The following PAX8 variants were observed in gnomAD, a reference collection of about 807,000 sequenced individuals.
The protein encoded by PAX8 is paired box protein Pax-8.
A neutral mutation model predicts 52.4 loss-of-function variants in PAX8; 15 were observed. The ratio of observed to expected loss-of-function variants is 0.29; its 90% CI spans 0.19 to 0.44. The LOEUF is 0.44. PAX8 is among the 20% of genes least tolerant of loss of function. The pLI, the probability that PAX8 is intolerant of heterozygous loss-of-function variation, is 1.00. For synonymous variants in PAX8, 284 were observed against 249.7 expected (o/e 1.14, Z -1.29); for missense variants, 554 against 602.5 (o/e 0.92, Z 0.84).
At chr2:113,276,466 TCCAGGGG>T (rs989198213) in intron 2 of PAX8, 1 of 152,096 alleles carries the variant, frequency 6.6e-6, no homozygotes, top group African/African-American at 2.4e-5. Context: ...ACCTGGTAGG[TCCAGGGG>T]CAGAGGGCTC....
In PAX8 at chr2:113,242,670, C is replaced by G. The variant is rs776740103; in HGVS notation, c.478+20G>C. On this transcript the variant is annotated intron_variant, in intron 5 of 11. Transcript: ENST00000429538. ...GGTGTACACGAGCATGTGTGTGTAT[C>G]CAGGTCTCTCAGCACTCACTCAGCG... is the stretch of plus-strand genomic sequence containing the variant. 3 of 1,558,250 alleles carry G rather than the reference C, an allele frequency of 1.9e-6. No individual in the cohort carries two copies. Among genetic ancestry groups the G allele is most frequent in the Non-Finnish European group, 1.8e-6 (2 of 1,129,344 alleles).
At chr2:113,224,625 G>A (rs1220095094) in intron 10 of PAX8, among the ~76,000 whole-genome samples, 5 of 151,258 alleles carry the variant, frequency 3.3e-5, no homozygotes, top group Non-Finnish European at 7.4e-5. Flanking sequence ...CGGGATGGAT[G>A]ATGAAAGATA....
At chr2:113,259,357 C>T (rs1159005279) in intron 2 of PAX8, 1 of 153,064 alleles carries the variant, frequency 6.5e-6, no homozygotes, top group Non-Finnish European at 1.5e-5. Context: ...AGAAGCCTCC[C>T]AGAAGCAACC....
chr2:113,245,796 C>T (rs1404653171), intron 3 of PAX8, among the ~76,000 whole-genome samples: 3 of 152,228 alleles, frequency 2.0e-5, no homozygotes, highest in Non-Finnish European at 4.4e-5. Context: ...CAACCCATCA[C>T]AGGAATCCCC....
At chr2:113,237,082 G>A in intron 7 of PAX8, 1 of 223,928 alleles carries the variant, frequency 4.5e-6, no homozygotes, top group Admixed American at 5.6e-5. Context: ...CAACCGGACT[G>A]TTCAGGGTCC....
intron 2 of PAX8, chr2:113,259,392 A>C (rs907786058): frequency 6.5e-6 from 1 of 152,964 alleles, no homozygotes; most frequent in Non-Finnish European, 1.5e-5. Flanking sequence ...CCATCCTCCC[A>C]CCGACCTCCC....
intron 10 of PAX8, among the ~76,000 whole-genome samples, chr2:113,224,829 T>C (rs999598920): frequency 7.2e-6 from 1 of 139,374 alleles, no homozygotes; most frequent in African/African-American, 2.8e-5. Context: ...AAAAATAAAA[T>C]AAAATAAAAT....
rs891816647 is a variant in PAX8 at position 113,241,576 on chromosome 2, G to A, written c.752C>T (p.Ser251Phe). ...CTGCTCGCCTTTGGTGTGGCTGGGGGAGGCATAGGCCTCTGGGTAGTGCTG... is the reference window on the plus strand; with the variant it reads ...CTGCTCGCCTTTGGTGTGGCTGGGGAAGGCATAGGCCTCTGGGTAGTGCTG... ...ERQHYPEAYA[S>F]PSHTKGEQGL... Residue 251 changes from serine (S) to phenylalanine (F), a missense_variant, in exon 7 of 12, where the codon TCC becomes TTC. Transcript: ENST00000429538. 6.2e-7 allele frequency: 1 copy of A among 1,610,900 alleles called. No individual in the cohort carries two copies. The highest frequency in any genetic ancestry group is 8.5e-7 in the Non-Finnish European group (1 of 1,179,280).
At chr2:113,260,576 G>T (rs775137185) in intron 2 of PAX8, among the ~76,000 whole-genome samples, 4 of 152,012 alleles carry the variant, frequency 2.6e-5, no homozygotes, top group Non-Finnish European at 1.5e-5. Flanking sequence ...AGGTAGGGAG[G>T]ATGGGGAGAA....
chr2:113,267,428 G>A (rs971827054), intron 2 of PAX8: 1 of 152,178 alleles, frequency 6.6e-6, no homozygotes, highest in Non-Finnish European at 1.5e-5. Context: ...GTCTCTACAG[G>A]GCTCCATGAC....
chr2:113,251,115 C>T (rs1379344527), intron 2 of PAX8, among the ~76,000 whole-genome samples: 1 of 152,116 alleles, frequency 6.6e-6, no homozygotes, highest in African/African-American at 2.4e-5. Flanking sequence ...GGAGATGGCC[C>T]CTATGGTTTG....
intron 1 of PAX8, 105 bp from the exon 2 acceptor site, chr2:113,278,574 G>T: frequency 1.9e-6 from 2 of 1,056,826 alleles, no homozygotes; most frequent in Non-Finnish European, 2.7e-6. Context: ...CGTCTGCCAG[G>T]AGTAGGAGGA....
At chr2:113,244,836 T>G (rs1281110127) in intron 3 of PAX8, among the ~76,000 whole-genome samples, 3 of 152,164 alleles carry the variant, frequency 2.0e-5, no homozygotes, top group African/African-American at 7.2e-5. Context: ...ACCAGCACCC[T>G]CTGCTAAAGG....
chr2:113,276,882 A>G (rs1169224719), intron 2 of PAX8, among the ~76,000 whole-genome samples: 1 of 152,188 alleles, frequency 6.6e-6, no homozygotes, highest in African/African-American at 2.4e-5. Flanking sequence ...GTGCCATTGC[A>G]CCAGCTTGGC....
chr2:113,227,910 C>A (rs1003863713), intron 9 of PAX8, among the ~76,000 whole-genome samples: 1 of 152,158 alleles, frequency 6.6e-6, no homozygotes, highest in Non-Finnish European at 1.5e-5. Flanking sequence ...GGAGATGTGG[C>A]GGAGATATTT....
chr2:113,236,558 G>A, intron 8 of PAX8, 43 bp downstream of exon 8: 1 of 1,542,104 alleles, frequency 6.5e-7, no homozygotes, highest in Non-Finnish European at 8.7e-7. Context: ...AAGCTCTTCA[G>A]TCCCCCGCCC....
chr2:113,239,102 C>G (rs1488007899), intron 7 of PAX8: 2 of 148,634 alleles, frequency 1.3e-5, no homozygotes, highest in Non-Finnish European at 3.0e-5. Context: ...GAGCCTCGCT[C>G]TGTCACCCAG....
intron 2 of PAX8, among the ~76,000 whole-genome samples, chr2:113,255,729 C>T (rs552107374): frequency 6.6e-6 from 1 of 152,048 alleles, no homozygotes; most frequent in Non-Finnish European, 1.5e-5. Context: ...CTAACCTGGG[C>T]CATAGAGACT....
At chr2:113,222,044 A>T (rs984703366) in intron 10 of PAX8, among the ~76,000 whole-genome samples, 4 of 152,254 alleles carry the variant, frequency 2.6e-5, no homozygotes, top group Non-Finnish European at 5.9e-5. Context: ...TCTACTCTAA[A>T]CATCTGTTTA....
Sources: gnomAD v4.1 joint callset for allele counts (sites outside exome capture counted in the v4.1 genomes callset) on GRCh38, gnomAD v4.1.1 for gene constraint, MANE v1.5 for transcripts, NCBI Gene and HGNC (gene_info 2026-07-23, HGNC 2026-07-21) for gene names.